Variants in IMPG2 observed in about 807,000 individuals in gnomAD.
The protein encoded by IMPG2 is interphotoreceptor matrix proteoglycan 2.
In IMPG2, 91 loss-of-function variants were observed where a neutral mutation model predicts 129.2. The ratio of observed to expected loss-of-function variants is 0.70; its 90% CI spans 0.59 to 0.84. The LOEUF (loss-of-function observed/expected upper bound fraction) is 0.84, where lower values mean the gene tolerates loss of function less well. IMPG2 is among the 40% of genes least tolerant of loss of function. The pLI is 0.00. For missense variants in IMPG2, 1,430 were observed against 1,461.7 expected, an observed-to-expected ratio of 0.98 and a Z score of 0.35; for synonymous variants, 510 against 517.7, an observed-to-expected ratio of 0.99 and a Z score of 0.20.
At chr3:101,278,975 A>C (rs1462188591) in intron 4 of IMPG2, among the ~76,000 whole-genome samples, 1 of 152,194 alleles carries the variant, frequency 6.6e-6, no homozygotes, top group East Asian at 1.9e-4. Context: ...AATGGGATTC[A>C]GATGCATTCA....
chr3:101,242,756 T>C lies in IMPG2; in HGVS notation c.2954A>G (p.Asp985Gly). ...VNNAVYMILE[D>G]FCTTAYNTMN... ...GGTATTGTAGGCAGTGGTACAAAAG[T>C]CTTCCAGAATCATGTACACCGCATT... Residue 985 changes from aspartate to glycine, a missense_variant, in exon 14 of 19, where the codon GAC becomes GGC. Transcript: ENST00000193391. 1 of 1,614,042 alleles carries C rather than the reference T, an allele frequency of 6.2e-7. No homozygotes were observed. The highest frequency in any genetic ancestry group is 8.5e-7 in the Non-Finnish European group (1 of 1,179,952).
chr3:101,282,606 TG>T (rs1706903669), intron 4 of IMPG2, among the ~76,000 whole-genome samples: 1 of 152,206 alleles, frequency 6.6e-6, no homozygotes, highest in Non-Finnish European at 1.5e-5. Context: ...TGTTTCAACA[TG>T]ATTAATATAT....
In IMPG2 at chr3:101,226,612, A is replaced by G. The variant is rs940064036; in HGVS notation, c.*357T>C. 2.3e-5 allele frequency: 5 copies of G among 219,072 alleles called. No homozygotes were observed. The highest frequency in any genetic ancestry group is 6.9e-5 in the African/African-American group (3 of 43,630). The allele number at this position is 219,072 out of a possible 1,614,324, so 13.6% of individuals were successfully genotyped here. On this transcript the variant is annotated 3_prime_UTR_variant, in exon 19 of 19. Transcript: ENST00000193391. ...TGGAAGAGTCTCACCTTATTTTCCT[A>G]TTGAAAAACCCGAGGCACAGTTCTT...
chr3:101,223,319 T>A lies in IMPG2; in HGVS notation c.*3650A>T, dbSNP rs938210375. ...CATTCCTACTGGGAATTGTTAGAAA[T>A]GTTTTAGAAAAAAATAAAACAAAAC... On this transcript the variant is annotated 3_prime_UTR_variant, in exon 19 of 19. Coordinates refer to ENST00000193391, the MANE Select transcript of IMPG2 (RefSeq NM_016247.4). The A allele has an allele frequency of 1.3e-4, 20 of 152,246 alleles. No individual in the cohort carries two copies. Among genetic ancestry groups the A allele is most frequent in the Non-Finnish European group, 2.5e-4 (17 of 68,044 alleles). 9.4% of individuals were successfully genotyped at this position (152,246 alleles called of 1,614,324 possible). A position where few individuals can be genotyped will look rare whatever the true frequency, so the allele number is the denominator to read the frequency against.
At chr3:101,236,631 A>G (rs964678583) in intron 14 of IMPG2, among the ~76,000 whole-genome samples, 9 of 152,094 alleles carry the variant, frequency 5.9e-5, no homozygotes, top group Non-Finnish European at 1.2e-4. Context: ...AAGGGAAGCC[A>G]TGAGGGACTG....
intron 2 of IMPG2, among the ~76,000 whole-genome samples, chr3:101,318,305 G>A (rs1355680382): frequency 6.6e-6 from 1 of 151,342 alleles, no homozygotes; most frequent in African/African-American, 2.4e-5. Flanking sequence ...TCCATTTCTG[G>A]CATATGGCCT....
At position 101,304,250 on chromosome 3, in the gene IMPG2, C is replaced by A. The variant is rs2107137079; in HGVS notation, c.397G>T (p.Glu133Ter). The A allele has an allele frequency of 1.2e-6, 2 of 1,613,906 alleles. No individual in the cohort carries two copies. The highest frequency in any genetic ancestry group is 4.5e-5 in the East Asian group (2 of 44,878). The change falls in exon 3 of 19, where the codon GAA (glutamate) becomes TAA (stop). Residue 133 changes from glutamate (E) to a stop codon, truncating the protein, a stop_gained. Transcript: ENST00000193391. LOFTEE classifies it high-confidence loss of function. Reference sequence around the variant, plus strand: ...CACAAATTCATCCAGTAATGATATTCCTCACGCCCAGGAAGTCGATCCCAA... The same window carrying A: ...CACAAATTCATCCAGTAATGATATTACTCACGCCCAGGAAGTCGATCCCAA... Reference protein sequence around the residue: ...TFWDRLPGREEYHYWMNLCED... With the variant: ...TFWDRLPGRE
Position 101,244,770 on chromosome 3 carries a change from C to G in IMPG2, c.1561G>C (p.Glu521Gln), listed in dbSNP as rs780950612. ...TCAATAGAAAGAAAATCTTCTGACT[C>G]TTCAACATTGGCTAATCCTAAAAAT... is the stretch of plus-strand genomic sequence containing the variant. ...LVEDGLANVEESEDFLSIDSL... is the reference protein window; with the variant it reads ...LVEDGLANVEQSEDFLSIDSL... Residue 521 changes from glutamate to glutamine, a missense_variant, in exon 13 of 19, where the codon GAG becomes CAG. Physicochemically the swap from Glu to Gln is conservative, Grantham distance 29. Transcript: ENST00000193391. The G allele has an allele frequency of 6.2e-7, 1 of 1,613,808 alleles. No homozygotes were observed. The highest frequency in any genetic ancestry group is 2.2e-5 in the East Asian group (1 of 44,852).
chr3:101,243,591 CT>C lies in IMPG2; in HGVS notation c.2739del (p.Glu914LysfsTer19), dbSNP rs1384864637. 6.2e-7 allele frequency: 1 copy of C among 1,613,880 alleles called. No homozygotes were observed. Among genetic ancestry groups the C allele is most frequent in the South Asian group, 1.1e-5 (1 of 91,062 alleles). On this transcript the variant is annotated frameshift_variant, in exon 13 of 19. Transcript: ENST00000193391. LOFTEE classifies it high-confidence loss of function. ...AAGGAGTTTTTATTAAACAGATCTT[CT>C]GAAAACATCATGTTAGTCACTCGGA... ...FSLRVTNMMF[S>X]EDLFNKNSLE...
At chr3:101,236,939 C>T (rs774313902) in intron 14 of IMPG2, among the ~76,000 whole-genome samples, 2 of 152,190 alleles carry the variant, frequency 1.3e-5, no homozygotes, top group African/African-American at 2.4e-5. Context: ...CCCACCCCCA[C>T]GGAGCACAGC....
Position 101,287,242 on chromosome 3 carries a change from A to G in IMPG2, c.533+4237T>C, listed in dbSNP as rs544281151. 4.6e-5 allele frequency among the ~76,000 whole-genome samples: 7 copies of G among 152,240 alleles called. No individual in the cohort carries two copies. In the South Asian group the frequency reaches 1.4e-3, roughly 32 times the overall value. Reference sequence around the variant, plus strand: ...CAGTGTGGCAACCTTGGCCACACCCAAAGCTGAATCAATCAAAAGAGTCTC... The same window carrying G: ...CAGTGTGGCAACCTTGGCCACACCCGAAGCTGAATCAATCAAAAGAGTCTC... On this transcript the variant is annotated intron_variant, in intron 4 of 18. Coordinates refer to ENST00000193391, the MANE Select transcript of IMPG2 (RefSeq NM_016247.4).
intron 4 of IMPG2, among the ~76,000 whole-genome samples, chr3:101,277,923 T>C (rs1166600499): frequency 6.6e-6 from 1 of 152,216 alleles, no homozygotes; most frequent in African/African-American, 2.4e-5. Context: ...TTGTCTGTTT[T>C]CAACTCATAG....
chr3:101,255,061 T>C (rs1706583867), intron 10 of IMPG2, among the ~76,000 whole-genome samples: 1 of 152,096 alleles, frequency 6.6e-6, no homozygotes, highest in African/African-American at 2.4e-5. Context: ...CTTCCAGCCA[T>C]GCTTCCTGTA....
intron 9 of IMPG2, among the ~76,000 whole-genome samples, chr3:101,262,729 A>AAATTATCC (rs1344370251): frequency 2.0e-5 from 3 of 151,862 alleles, no homozygotes; most frequent in Non-Finnish European, 4.4e-5. Flanking sequence ...TAAATAGGTT[A>AAATTATCC]AATTATCCAT....
chr3:101,305,084 T>A (rs1707175285), intron 2 of IMPG2, among the ~76,000 whole-genome samples: 1 of 152,046 alleles, frequency 6.6e-6, no homozygotes, highest in Non-Finnish European at 1.5e-5. Flanking sequence ...TGCCAAAACT[T>A]GGGGGTGATG....
At chr3:101,252,272 G>T (rs1706552728) in intron 11 of IMPG2, among the ~76,000 whole-genome samples, 2 of 152,016 alleles carry the variant, frequency 1.3e-5, no homozygotes. Flanking sequence ...TTAAAATTTG[G>T]TCCCAAGCTG....
chr3:101,226,525 C>T lies in IMPG2; in HGVS notation c.*444G>A, dbSNP rs115229467. On this transcript the variant is annotated 3_prime_UTR_variant, in exon 19 of 19. Coordinates refer to ENST00000193391, the MANE Select transcript of IMPG2 (RefSeq NM_016247.4). ...CATTAAGACTATTTCAAAGGTTTCC[C>T]CTTCTACCCAACAATAACAAATATG... 2,437 of 157,076 alleles carry T rather than the reference C, an allele frequency of 0.016. 64 individuals carry two copies. The highest frequency in any genetic ancestry group is 0.056 in the African/African-American group (2,318 of 41,510). The allele number at this position is 157,076 out of a possible 1,614,324, so 9.7% of individuals were successfully genotyped here.
chr3:101,267,675 G>T, intron 8 of IMPG2, 144 bp from the exon 9 acceptor site: 2 of 686,608 alleles, frequency 2.9e-6, no homozygotes, highest in Non-Finnish European at 2.5e-6. Context: ...AAATTCCTAT[G>T]GATTGAAGGA....
intron 4 of IMPG2, among the ~76,000 whole-genome samples, chr3:101,286,887 G>A (rs140621363): frequency 6.6e-6 from 1 of 152,158 alleles, no homozygotes; most frequent in African/African-American, 2.4e-5. Flanking sequence ...GGCAGCTCCA[G>A]AGAAAACCCA....
Sources: allele counts gnomAD v4.1 joint callset (sites outside exome capture counted in the v4.1 genomes callset), GRCh38; gene constraint gnomAD v4.1.1; transcripts MANE v1.5; gene names NCBI Gene and HGNC (gene_info 2026-07-23, HGNC 2026-07-21).